The following PCDHA3 variants were observed in gnomAD, a reference collection of about 807,000 sequenced individuals.
PCDHA3 encodes protocadherin alpha-3.
Under a neutral mutation model 62.2 loss-of-function variants are expected in PCDHA3, and 41 were observed. The ratio of observed to expected loss-of-function variants is 0.66; its 90% CI spans 0.51 to 0.86. The LOEUF is 0.86. PCDHA3 is among the 40% of genes least tolerant of loss of function. The pLI is 0.00. For synonymous variants in PCDHA3, 640 were observed against 555.4 expected (o/e 1.15, Z -2.14); for missense variants, 1,304 against 1,241.2 (o/e 1.05, Z -0.76).
At chr5:140,811,423 G>T (rs954337823) in intron 1 of PCDHA3, 22 of 152,276 alleles carry the variant, frequency 1.4e-4, no homozygotes, top group Admixed American at 6.5e-4. Context: ...GGACATTTGG[G>T]TTGGTTCCAA....
intron 1 of PCDHA3, among the ~76,000 whole-genome samples, chr5:140,890,014 A>G (rs1402612271): frequency 6.6e-6 from 1 of 152,148 alleles, no homozygotes; most frequent in African/African-American, 2.4e-5. Flanking sequence ...TGCCAGAAAA[A>G]TGTAGAAGGC....
At chr5:140,846,915 C>G (rs1464406518) in intron 1 of PCDHA3, among the ~76,000 whole-genome samples, 1 of 149,458 alleles carries the variant, frequency 6.7e-6, no homozygotes, top group Non-Finnish European at 1.5e-5. Context: ...CAATCATTTC[C>G]TATTTGAATT....
intron 1 of PCDHA3, among the ~76,000 whole-genome samples, chr5:140,926,209 T>C (rs553307318): frequency 1.8e-3 from 269 of 152,150 alleles, no homozygotes; most frequent in African/African-American, 6.3e-3. Flanking sequence ...GGGGGGCTCC[T>C]GTTTCCTTAA....
At position 140,966,710 on chromosome 5, in the gene PCDHA3, G is replaced by T. The variant is rs552888876; in HGVS notation, c.2395-12239G>T. The T allele has an allele frequency of 2.9e-6, 4 of 1,391,664 alleles. No individual in the cohort carries two copies. In the South Asian group the frequency reaches 6.5e-5, roughly 23 times the overall value. The allele number at this position is 1,391,664 out of a possible 1,614,324, so 86.2% of individuals were successfully genotyped here. A position where few individuals can be genotyped will look rare whatever the true frequency, so the allele number is the denominator to read the frequency against. On this transcript the variant is annotated intron_variant, in intron 1 of 3. Transcript: ENST00000522353. ...AGGCGGGGCCCGGGCGTGGGGCACG[G>T]CTGGGGAAGCTGCCGCCTCCGGCCC...
At chr5:140,971,778 G>C (rs1346530602) in intron 1 of PCDHA3, among the ~76,000 whole-genome samples, 2 of 151,860 alleles carry the variant, frequency 1.3e-5, no homozygotes, top group Non-Finnish European at 2.9e-5. Context: ...TATTATTCAA[G>C]ATTATTCAAT....
chr5:140,966,176 T>G (rs2095977016), intron 1 of PCDHA3: 1 of 188,102 alleles, frequency 5.3e-6, no homozygotes, highest in African/African-American at 2.3e-5. Context: ...CCTGGGGAGC[T>G]GATAGCCAGA....
chr5:141,008,437 C>T (rs1261106138), intron 3 of PCDHA3, among the ~76,000 whole-genome samples: 1 of 152,182 alleles, frequency 6.6e-6, no homozygotes. Context: ...TTTGCCCAGA[C>T]AGACCATTAC....
At chr5:140,976,586 T>C (rs1029704575) in intron 1 of PCDHA3, among the ~76,000 whole-genome samples, 2 of 151,988 alleles carry the variant, frequency 1.3e-5, no homozygotes, top group Non-Finnish European at 2.9e-5. Flanking sequence ...AAACACAGAC[T>C]TTTGTGTTAA....
At chr5:140,838,854 C>T (rs1775911734) in intron 1 of PCDHA3, among the ~76,000 whole-genome samples, 1 of 151,798 alleles carries the variant, frequency 6.6e-6, no homozygotes, top group African/African-American at 2.4e-5. Flanking sequence ...CCAGGGAGGT[C>T]CAAGCTGCAG....
intron 3 of PCDHA3, among the ~76,000 whole-genome samples, chr5:141,008,882 A>G (rs2098393885): frequency 6.6e-6 from 1 of 152,170 alleles, no homozygotes; most frequent in Non-Finnish European, 1.5e-5. Flanking sequence ...ACCACCCTTC[A>G]ATGTTATTAC....
intron 1 of PCDHA3, among the ~76,000 whole-genome samples, chr5:140,937,818 A>T (rs190175998): frequency 0.029 from 4,407 of 151,960 alleles, 79 homozygotes; most frequent in Admixed American, 0.046. Context: ...AAGCTGAGGC[A>T]GGAGAATGGC....
chr5:140,949,978 C>T (rs557456282), intron 1 of PCDHA3, among the ~76,000 whole-genome samples: 1 of 151,916 alleles, frequency 6.6e-6, no homozygotes, highest in East Asian at 1.9e-4. Context: ...AGCATACATA[C>T]TTAACTTTTC....
chr5:140,898,118 A>T (rs2153459272), intron 1 of PCDHA3, among the ~76,000 whole-genome samples: 1 of 151,730 alleles, frequency 6.6e-6, no homozygotes, highest in Non-Finnish European at 1.5e-5. Context: ...GGTTGCGAAA[A>T]TTTTCTCCCA....
intron 1 of PCDHA3, among the ~76,000 whole-genome samples, chr5:140,887,714 T>C (rs772328025): frequency 6.6e-6 from 1 of 152,220 alleles, no homozygotes; most frequent in Admixed American, 6.5e-5. Flanking sequence ...CTTCTTCTAA[T>C]AGTTTTTTCT....
chr5:140,843,546 C>T (rs1562414778), intron 1 of PCDHA3: 1 of 1,595,752 alleles, frequency 6.3e-7, no homozygotes, highest in African/African-American at 1.3e-5. Context: ...CTGGTGTGCT[C>T]CAGTGCGGTG....
Position 140,823,308 on chromosome 5 carries a change from G to A in PCDHA3, c.2394+19717G>A, listed in dbSNP as rs2150124552. Reference sequence around the variant, plus strand: ...TGTCGAGTTACGTTTCGGTGCACGCGGAGAGCGGCAAGGTGTACGCGCTGC... The same window carrying A: ...TGTCGAGTTACGTTTCGGTGCACGCAGAGAGCGGCAAGGTGTACGCGCTGC... On this transcript the variant is annotated intron_variant, in intron 1 of 3. Transcript: ENST00000522353. The A allele has an allele frequency of 5.6e-6, 9 of 1,612,200 alleles. No homozygotes were observed. In the Admixed American group the frequency reaches 6.7e-5, roughly 12 times the overall value.
intron 1 of PCDHA3, among the ~76,000 whole-genome samples, chr5:140,941,202 CCTTTCTTTCTTCCTTTCTTT>C (rs1442425625): frequency 7.3e-5 from 9 of 122,742 alleles, no homozygotes; most frequent in Non-Finnish European, 1.3e-4. Context: ...TTTCTTTCTT[CCTTTCTTTCTTCCTTTCTTT>C]CTTTCTTTCT....
rs140138948 is a variant in PCDHA3 at position 140,849,650 on chromosome 5, T to G, written c.2394+46059T>G. The G allele has an allele frequency of 0.022, 35,883 of 1,598,700 alleles. 3,605 individuals carry two copies. The highest frequency in any genetic ancestry group is 0.044 in the Middle Eastern group (261 of 5,946). On this transcript the variant is annotated intron_variant, in intron 1 of 3. Coordinates refer to ENST00000522353, the MANE Select transcript of PCDHA3 (RefSeq NM_018906.3). The stretch of plus-strand genomic sequence containing the variant: ...TAGACGCAGATGCCAACGGGCAGGT[T>G]ACCTGCTCCCTGACGCCCCACGTCC...
chr5:140,974,979 C>T (rs782292099), intron 1 of PCDHA3, among the ~76,000 whole-genome samples: 6 of 152,136 alleles, frequency 3.9e-5, no homozygotes, highest in African/African-American at 7.2e-5. Context: ...CTGAGTTGTC[C>T]GCTCAGGTAT....
Sources: allele counts gnomAD v4.1 joint callset (sites outside exome capture counted in the v4.1 genomes callset), GRCh38; gene constraint gnomAD v4.1.1; transcripts MANE v1.5; gene names NCBI Gene and HGNC (gene_info 2026-07-23, HGNC 2026-07-21).